Variants in ITPR1 observed in about 807,000 individuals in gnomAD.
ITPR1 encodes inositol 1,4,5-trisphosphate receptor type 1.
ITPR1 carries 96 observed loss-of-function variants against 318.4 expected under a neutral mutation model. That is an observed-to-expected ratio of 0.30 (90% CI 0.26 to 0.36). The LOEUF (loss-of-function observed/expected upper bound fraction) is 0.36. Among genes scored for constraint, ITPR1 ranks in the 10% least tolerant of loss-of-function variants. The pLI, the probability that ITPR1 is intolerant of heterozygous loss-of-function variation, is 1.00. For missense variants in ITPR1, 2,440 were observed against 3,460.2 expected (o/e 0.71, Z 7.40); for synonymous variants, 1,312 against 1,289.9 (o/e 1.02, Z -0.37).
At chr3:4,703,295 A>G (rs1170198799) in intron 36 of ITPR1, among the ~76,000 whole-genome samples, 1 of 152,150 alleles carries the variant, frequency 6.6e-6, no homozygotes, top group Non-Finnish European at 1.5e-5. Context: ...AATCCAGCAA[A>G]TGTACTTGAC....
intron 21 of ITPR1, among the ~76,000 whole-genome samples, 180 bp downstream of exon 21, chr3:4,673,567 T>G (rs2094128533): frequency 6.6e-6 from 1 of 150,858 alleles, no homozygotes. Flanking sequence ...GGCATGATTA[T>G]GTTTTTGGTT....
At chr3:4,586,070 T>C (rs1304099348) in intron 4 of ITPR1, among the ~76,000 whole-genome samples, 1 of 152,200 alleles carries the variant, frequency 6.6e-6, no homozygotes, top group Non-Finnish European at 1.5e-5. Flanking sequence ...GTTTCCAGCT[T>C]CATCCATATC....
chr3:4,553,679 C>T (rs2085819990), intron 4 of ITPR1, among the ~76,000 whole-genome samples: 1 of 150,288 alleles, frequency 6.7e-6, no homozygotes, highest in Non-Finnish European at 1.5e-5. Context: ...CAGCTCACTG[C>T]AACTTCTGCC....
intron 2 of ITPR1, among the ~76,000 whole-genome samples, chr3:4,500,272 T>TC (rs2080920300): frequency 6.6e-6 from 1 of 152,244 alleles, no homozygotes; most frequent in South Asian, 2.1e-4. Context: ...TGATTTCAGC[T>TC]CACTGCAACT....
At chr3:4,681,658 T>TGTGTGTGTGTGTGTGTGTGTGTCC (rs1553690431) in intron 26 of ITPR1, among the ~76,000 whole-genome samples, 3 of 149,848 alleles carry the variant, frequency 2.0e-5, no homozygotes, top group African/African-American at 7.4e-5. Flanking sequence ...TGTGTGTGTG[T>TGTGTGTGTGTGTGTGTGTGTGTCC]CCCACCTAGG....
At chr3:4,776,078 T>TTTTG (rs1395367943) in intron 47 of ITPR1, among the ~76,000 whole-genome samples, 2 of 152,082 alleles carry the variant, frequency 1.3e-5, no homozygotes, top group Non-Finnish European at 2.9e-5. Flanking sequence ...GAGTATGATG[T>TTTTG]TTTGTTTGTT....
intron 61 of ITPR1, among the ~76,000 whole-genome samples, chr3:4,837,820 G>T (rs912286480): frequency 2.6e-5 from 4 of 152,100 alleles, no homozygotes; most frequent in African/African-American, 9.7e-5. Flanking sequence ...ACCCTGATTG[G>T]TTTTATTAGT....
chr3:4,519,673 A>G (rs925348523), intron 3 of ITPR1, among the ~76,000 whole-genome samples: 5 of 152,208 alleles, frequency 3.3e-5, no homozygotes, highest in African/African-American at 1.2e-4. Flanking sequence ...TTTTTACATG[A>G]GAACTCAGGC....
At chr3:4,531,591 A>G (rs2083418865) in intron 4 of ITPR1, among the ~76,000 whole-genome samples, 1 of 152,100 alleles carries the variant, frequency 6.6e-6, no homozygotes, top group Non-Finnish European at 1.5e-5. Context: ...ACCACTGCTT[A>G]CCTCTCAGCC....
At chr3:4,716,523 C>G (rs1214514038) in intron 39 of ITPR1, among the ~76,000 whole-genome samples, 1 of 152,140 alleles carries the variant, frequency 6.6e-6, no homozygotes, top group Non-Finnish European at 1.5e-5. Context: ...AGTATATGAC[C>G]TCAGGTAATG....
rs562939092 is a variant in ITPR1 at position 4,764,800 on chromosome 3, A to G, written c.5545-1730A>G. ...GTAAAAGGCTATTTAGTAAGTAGTC[A>G]TTATGGTGATTGTTGAATTACTATG... On this transcript the variant is annotated intron_variant, in intron 44 of 61. Coordinates refer to ENST00000649015, the MANE Select transcript of ITPR1 (RefSeq NM_001378452.1). Among the ~76,000 whole-genome samples the G allele has an allele frequency of 2.6e-5, 4 of 152,332 alleles. No homozygotes were observed. The South Asian group carries it at 8.3e-4, about 32-fold the overall frequency.
chr3:4,710,461 G>A lies in ITPR1; in HGVS notation c.4979G>A (p.Gly1660Asp). 1 of 1,552,876 alleles carries A rather than the reference G, an allele frequency of 6.4e-7. No homozygotes were observed. Among genetic ancestry groups the A allele is most frequent in the Middle Eastern group, 1.7e-4 (1 of 5,994 alleles). ...TDARRKCESGGFICKLIKHTK... is the reference protein window; with the variant it reads ...TDARRKCESGDFICKLIKHTK... Reference sequence around the variant, plus strand: ...GCCAGAAGGAAATGTGAAAGTGGCGGTTTCATTTGCAAGTAAGCGGCCTCT... The same window carrying A: ...GCCAGAAGGAAATGTGAAAGTGGCGATTTCATTTGCAAGTAAGCGGCCTCT... The change falls in exon 38 of 62, where the codon GGT becomes GAT. Residue 1660 changes from glycine (G) to aspartate (D), a missense_variant. By Grantham distance (94) the Gly-to-Asp change is moderately conservative. This residue lies in a region of ITPR1 where 166 missense variants were observed against 246.5 expected (regional missense o/e 0.67). Transcript: ENST00000649015. The surrounding 1 kb of genome is among the most constrained non-coding windows in gnomAD (Gnocchi z 4.2).
intron 4 of ITPR1, among the ~76,000 whole-genome samples, chr3:4,527,457 G>C (rs2083073562): frequency 6.6e-6 from 1 of 152,164 alleles, no homozygotes; most frequent in African/African-American, 2.4e-5. Context: ...TTACTGGTGT[G>C]AGCCACTGCA....
At chr3:4,757,371 C>T (rs774025206) in intron 44 of ITPR1, among the ~76,000 whole-genome samples, 3 of 152,194 alleles carry the variant, frequency 2.0e-5, no homozygotes, top group Non-Finnish European at 4.4e-5. Flanking sequence ...TATTAAACGT[C>T]ATGGGAAAGT....
chr3:4,824,705 G>T (rs545346105), intron 60 of ITPR1, among the ~76,000 whole-genome samples: 9 of 152,054 alleles, frequency 5.9e-5, no homozygotes. Context: ...AGGATCTCCC[G>T]GGGATACTGA....
chr3:4,717,545 CTGTCG>C, intron 40 of ITPR1, 146 bp downstream of exon 40: 1 of 737,766 alleles, frequency 1.4e-6, no homozygotes, highest in South Asian at 1.5e-5. Flanking sequence ...TGAGTGGAGT[CTGTCG>C]TGTCTGTGTT....
Position 4,653,822 on chromosome 3 carries a change from T to G in ITPR1, c.952-20T>G. 1 of 1,594,928 alleles carries G rather than the reference T, an allele frequency of 6.3e-7. No individual in the cohort carries two copies. The highest frequency in any genetic ancestry group is 1.3e-5 in the African/African-American group (1 of 74,746). On this transcript the variant is annotated intron_variant, in intron 11 of 61. Transcript: ENST00000649015. ...GAAAGCAATGGATGTTTTAATTTCC[T>G]AATGATTCTTTTTCATCAGGTAGAC...
chr3:4,725,672 A>G lies in ITPR1; in HGVS notation c.5172+91A>G, dbSNP rs1216832200. 1.6e-5 allele frequency: 19 copies of G among 1,171,674 alleles called. 1 individual carries two copies. The highest frequency in any genetic ancestry group is 1.9e-4 in the Middle Eastern group (1 of 5,266). The allele number at this position is 1,171,674 out of a possible 1,614,324, so 72.6% of individuals were successfully genotyped here. A position where few individuals can be genotyped will look rare whatever the true frequency, so the allele number is the denominator to read the frequency against. ...GTTGGGTGTCTGAATTGTTGTAACAAAAAGTCTCTCCCGGTGGTAGATGTA... is the reference window on the plus strand; with the variant it reads ...GTTGGGTGTCTGAATTGTTGTAACAGAAAGTCTCTCCCGGTGGTAGATGTA... On this transcript the variant is annotated intron_variant, in intron 41 of 61. Coordinates refer to ENST00000649015, the MANE Select transcript of ITPR1 (RefSeq NM_001378452.1).
chr3:4,658,365 C>A (rs2125184776), intron 13 of ITPR1, 87 bp downstream of exon 13: 3 of 1,132,934 alleles, frequency 2.6e-6, no homozygotes, highest in Non-Finnish European at 2.5e-6. Context: ...ATCGTTACTG[C>A]CTTTTCTTTT....
Sources: allele counts gnomAD v4.1 joint callset (sites outside exome capture counted in the v4.1 genomes callset), GRCh38; gene constraint gnomAD v4.1.1; regional missense constraint gnomAD v4.1.1; non-coding constraint Gnocchi (gnomAD v3.1); transcripts MANE v1.5; gene names NCBI Gene and HGNC (gene_info 2026-07-23, HGNC 2026-07-21).